Variants in SVEP1 observed in about 807,000 individuals in gnomAD.
SVEP1 encodes sushi, von Willebrand factor type A, EGF and pentraxin domain-containing protein 1.
SVEP1 carries 164 observed loss-of-function variants against 367.3 expected under a neutral mutation model. The ratio of observed to expected loss-of-function variants is 0.45; its 90% confidence interval spans 0.39 to 0.51. SVEP1 has a LOEUF of 0.51. Among genes scored for constraint, SVEP1 ranks in the 20% least tolerant of loss-of-function variants. The pLI, the probability that SVEP1 is intolerant of heterozygous loss-of-function variation, is 0.00. For missense variants in SVEP1, 4,117 were observed against 4,425.3 expected (o/e 0.93, Z 1.98); for synonymous variants, 1,666 against 1,611.6 (o/e 1.03, Z -0.81).
intron 34 of SVEP1, 109 bp from the exon 35 acceptor site, chr9:110,429,443 T>G: frequency 1.2e-6 from 1 of 803,470 alleles, no homozygotes; most frequent in Non-Finnish European, 1.8e-6. Context: ...ATTGGAAAAG[T>G]TGATTTTTTT....
chr9:110,549,984 T>G lies in SVEP1; in HGVS notation c.652A>C (p.Ile218Leu), dbSNP rs1200635978. 6.2e-7 allele frequency: 1 copy of G among 1,613,986 alleles called. No homozygotes were observed. Among genetic ancestry groups the G allele is most frequent in the Admixed American group, 1.7e-5 (1 of 60,016 alleles). The part of the protein sequence containing the change: ...AASLRDSGVE[I>L]FTFGIWQGNI... The stretch of plus-strand genomic sequence containing the variant: ...CCTTGCCATATGCCAAAAGTGAAGA[T>G]CTCCACTCCTGAATCTCGCAGTGAC... Residue 218 changes from isoleucine (I) to leucine (L), a missense_variant, in exon 2 of 48, where the codon ATC (isoleucine) becomes CTC (leucine). Around this residue, in one of 4 missense-constraint regions of SVEP1, gnomAD observed 2,174 missense variants for 2,494.3 expected, o/e 0.87. Coordinates refer to ENST00000374469, the MANE Select transcript of SVEP1 (RefSeq NM_153366.4).
At chr9:110,441,460 A>G (rs1319985397) in intron 27 of SVEP1, among the ~76,000 whole-genome samples, 1 of 152,148 alleles carries the variant, frequency 6.6e-6, no homozygotes, top group Admixed American at 6.5e-5. Flanking sequence ...AACAAAATTC[A>G]TGTGTCCTTG....
intron 1 of SVEP1, among the ~76,000 whole-genome samples, chr9:110,556,309 T>C (rs1830357651): frequency 6.6e-6 from 1 of 152,082 alleles, no homozygotes; most frequent in South Asian, 2.1e-4. Context: ...AAAAATGGTC[T>C]TGAAAGAAAA....
chr9:110,465,752 T>G lies in SVEP1; in HGVS notation c.3322+113A>C, dbSNP rs556693512. 7 of 1,298,866 alleles carry G rather than the reference T, an allele frequency of 5.4e-6. No homozygotes were observed. In the African/African-American group the frequency reaches 1.0e-4, roughly 19 times the overall value. The allele number at this position is 1,298,866 out of a possible 1,614,324, so 80.5% of individuals were successfully genotyped here. A position where few individuals can be genotyped will look rare whatever the true frequency, so the allele number is the denominator to read the frequency against. On this transcript the variant is annotated intron_variant, in intron 18 of 47. Transcript: ENST00000374469. ...AAAAACCTCTTTATGAAGAGACAGTTATTTCCATTCTGTGCATAGAGTAGA... is the reference window on the plus strand; with the variant it reads ...AAAAACCTCTTTATGAAGAGACAGTGATTTCCATTCTGTGCATAGAGTAGA...
At chr9:110,392,151 A>ATATATATATATATATC (rs1308038317) in intron 40 of SVEP1, among the ~76,000 whole-genome samples, 2 of 146,014 alleles carry the variant, frequency 1.4e-5, no homozygotes, top group African/African-American at 5.4e-5. Context: ...ATATATATAT[A>ATATATATATATATATC]TATCTCTTCT....
At chr9:110,444,604 AAT>A (rs1828562182) in intron 26 of SVEP1, among the ~76,000 whole-genome samples, 1 of 152,222 alleles carries the variant, frequency 6.6e-6, no homozygotes, top group African/African-American at 2.4e-5. Context: ...CATTCAGGGA[AAT>A]GACAAAGCTA....
chr9:110,535,990 T>C (rs1456144181), intron 3 of SVEP1, among the ~76,000 whole-genome samples: 1 of 152,056 alleles, frequency 6.6e-6, no homozygotes, highest in Non-Finnish European at 1.5e-5. Context: ...GGCCAGGACT[T>C]CCAATACTAT....
intron 2 of SVEP1, 62 bp downstream of exon 2, chr9:110,549,787 C>A: frequency 1.3e-6 from 2 of 1,580,698 alleles, no homozygotes; most frequent in Non-Finnish European, 8.6e-7. Context: ...GGGTTTCAAG[C>A]AGTGAGAGGC....
rs1042207848 is a variant in SVEP1 at position 110,395,372 on chromosome 9, C to A, written c.9822+5482G>T. ...AGGAAGCACTAAACATGGAAAGGAA[C>A]AACCAGTACCACCCACTGCAAAAAC... On this transcript the variant is annotated intron_variant, in intron 40 of 47. Coordinates refer to ENST00000374469, the MANE Select transcript of SVEP1 (RefSeq NM_153366.4). Among the ~76,000 whole-genome samples, 70 of 152,282 alleles carry A rather than the reference C, an allele frequency of 4.6e-4. 1 individual carries two copies. The highest frequency in any genetic ancestry group is 6.2e-4 in the South Asian group (3 of 4,820).
At chr9:110,514,916 G>C (rs1429200578) in intron 3 of SVEP1, among the ~76,000 whole-genome samples, 1 of 152,180 alleles carries the variant, frequency 6.6e-6, no homozygotes, top group Non-Finnish European at 1.5e-5. Context: ...TCTGTTCACA[G>C]ATCTTGAGAA....
chr9:110,517,116 G>A (rs1829813675), intron 3 of SVEP1, among the ~76,000 whole-genome samples: 1 of 152,158 alleles, frequency 6.6e-6, no homozygotes, highest in South Asian at 2.1e-4. Flanking sequence ...TGGTAAGTAG[G>A]TGGGAAGAGA....
rs866315453 is a variant in SVEP1, at chr9:110,407,913, C to T, written c.7687G>A (p.Glu2563Lys). 1 of 1,613,956 alleles carries T rather than the reference C, an allele frequency of 6.2e-7. No homozygotes were observed. The highest frequency in any genetic ancestry group is 1.1e-5 in the South Asian group (1 of 91,078). ...TCTGCACCTTCTACAAAACCATTTT[C>T]AATGGGTTGTGGGGAATCACAGTGG... ...AIHCDSPQPI[E>K]NGFVEGADYS... The change falls in exon 38 of 48, where the codon GAA becomes AAA. Residue 2563 changes from glutamate (E) to lysine (K), a missense_variant. Transcript: ENST00000374469.
chr9:110,545,258 A>T (rs9299185), intron 3 of SVEP1, among the ~76,000 whole-genome samples: 139,402 of 152,278 alleles, frequency 0.92, 64,038 homozygotes, highest in African/African-American at 0.96. Context: ...GACATACTGA[A>T]TTCCTTTCCT....
At chr9:110,472,113 G>T in intron 15 of SVEP1, 46 bp downstream of exon 15, 1 of 1,560,228 alleles carries the variant, frequency 6.4e-7, no homozygotes, top group Non-Finnish European at 8.7e-7. Flanking sequence ...TTCCAACCAA[G>T]AATTTTCCAT....
At chr9:110,376,705 G>A (rs1827355761) in intron 45 of SVEP1, 1 of 152,130 alleles carries the variant, frequency 6.6e-6, no homozygotes, top group Non-Finnish European at 1.5e-5. Flanking sequence ...GTGTAGTTGA[G>A]ATATTTAAAA....
chr9:110,557,242 G>C (rs559100311), intron 1 of SVEP1, among the ~76,000 whole-genome samples: 70 of 152,238 alleles, frequency 4.6e-4, no homozygotes, highest in Non-Finnish European at 8.8e-4. Flanking sequence ...CTACACCACT[G>C]TTTTGGGTAT....
intron 36 of SVEP1, among the ~76,000 whole-genome samples, chr9:110,425,213 TTGGG>T (rs913268118): frequency 1.3e-5 from 2 of 152,334 alleles, no homozygotes. Context: ...TGGTAGTGAT[TTGGG>T]ACTATGTGTA....
intron 43 of SVEP1, among the ~76,000 whole-genome samples, chr9:110,380,271 T>A (rs1242702970): frequency 3.3e-5 from 5 of 152,166 alleles, no homozygotes; most frequent in African/African-American, 1.2e-4. Context: ...GGGCAAGGGT[T>A]AGATTGGTGT....
chr9:110,513,900 G>A (rs1177526404), intron 4 of SVEP1, 48 bp downstream of exon 4: 19 of 1,566,668 alleles, frequency 1.2e-5, no homozygotes, highest in Non-Finnish European at 1.6e-5. Context: ...ATTTCTCTCA[G>A]AGAAATCAGC....
Sources: gnomAD v4.1 joint callset for allele counts (sites outside exome capture counted in the v4.1 genomes callset) on GRCh38, gnomAD v4.1.1 for gene constraint, gnomAD v4.1.1 regional missense constraint, MANE v1.5 for transcripts, NCBI Gene and HGNC (gene_info 2026-07-23, HGNC 2026-07-21) for gene names.